The following TMPRSS9 variants were observed in gnomAD, a reference collection of about 807,000 sequenced individuals.
The protein encoded by TMPRSS9 is transmembrane protease serine 9.
Under a neutral mutation model 111.4 loss-of-function variants are expected in TMPRSS9, and 113 were observed. The ratio of observed to expected loss-of-function variants is 1.01; its 90% CI spans 0.87 to 1.19. The LOEUF is 1.19. Among genes scored for constraint, TMPRSS9 ranks in the 50% most tolerant of loss-of-function variants. TMPRSS9 has a pLI of 0.00. For missense variants in TMPRSS9, 1,803 were observed against 1,513.1 expected (o/e 1.19, Z -3.18); for synonymous variants, 805 against 659.1 (o/e 1.22, Z -3.39).
intron 1 of TMPRSS9, among the ~76,000 whole-genome samples, chr19:2,381,440 G>A (rs1037791955): frequency 6.6e-6 from 1 of 151,762 alleles, no homozygotes; most frequent in Non-Finnish European, 1.5e-5. Context: ...AGTGAATCTC[G>A]GTGTCTTTTG....
chr19:2,401,012 C>G (rs62120708), intron 4 of TMPRSS9, among the ~76,000 whole-genome samples: 1 of 149,034 alleles, frequency 6.7e-6, no homozygotes, highest in East Asian at 2.0e-4. Flanking sequence ...CGGTGGCTTA[C>G]GCCTGTAATC....
intron 17 of TMPRSS9, chr19:2,425,710 C>T: frequency 2.6e-6 from 3 of 1,174,164 alleles, no homozygotes; most frequent in South Asian, 1.8e-5. Context: ...GGCGGCAGAG[C>T]AGGCAGAGGC....
chr19:2,391,724 T>A (rs9676624), intron 1 of TMPRSS9, among the ~76,000 whole-genome samples: 3 of 145,922 alleles, frequency 2.1e-5, no homozygotes, highest in South Asian at 2.1e-4. Context: ...AGGACCCCCC[T>A]GAAAGGAAAG....
At position 2,403,072 on chromosome 19, in the gene TMPRSS9, C is replaced by T; in HGVS notation, c.557-10C>T. On this transcript the variant is annotated splice_polypyrimidine_tract_variant and intron_variant, in intron 5 of 17. Coordinates refer to ENST00000648592, the Ensembl canonical transcript of TMPRSS9. ...ATGAGGTCAGAAAGTCGGTTCTTTT[C>T]TGTCCTCAGGCCGCTGTCCAGGGAA... is the stretch of plus-strand genomic sequence containing the variant. 1 of 1,600,808 alleles carries T rather than the reference C, an allele frequency of 6.2e-7. No individual in the cohort carries two copies. Among genetic ancestry groups the T allele is most frequent in the Non-Finnish European group, 8.5e-7 (1 of 1,174,716 alleles).
intron 4 of TMPRSS9, among the ~76,000 whole-genome samples, 178 bp from the exon 6 acceptor site, chr19:2,401,797 A>G (rs997267575): frequency 5.3e-5 from 8 of 151,346 alleles, no homozygotes; most frequent in African/African-American, 1.2e-4. Context: ...TAGTAGAGAC[A>G]GGGTTTCACC....
chr19:2,383,046 A>G (rs1166660084), intron 1 of TMPRSS9, among the ~76,000 whole-genome samples: 2 of 152,112 alleles, frequency 1.3e-5, no homozygotes, highest in Non-Finnish European at 1.5e-5. Flanking sequence ...GCTTTATTTA[A>G]TATCTACCGA....
chr19:2,393,960 T>A (rs1490374000), intron 1 of TMPRSS9, among the ~76,000 whole-genome samples: 2 of 148,446 alleles, frequency 1.3e-5, no homozygotes, highest in Non-Finnish European at 3.0e-5. Context: ...CCCAGCACTC[T>A]GGGAGGCCGG....
chr19:2,406,310 G>C (rs189573874), intron 7 of TMPRSS9, among the ~76,000 whole-genome samples: 1 of 147,146 alleles, frequency 6.8e-6, no homozygotes. Flanking sequence ...GAGCCACTGC[G>C]CCCGGCCTCT....
chr19:2,398,297 AAAT>A (rs1190388381), intron 2 of TMPRSS9, among the ~76,000 whole-genome samples: 4 of 145,450 alleles, frequency 2.8e-5, no homozygotes, highest in Admixed American at 1.4e-4. Flanking sequence ...CTCTGTCTCA[AAAT>A]AATAATAATA....
chr19:2,364,664 T>C (rs1396938359), intron 1 of TMPRSS9, among the ~76,000 whole-genome samples: 2 of 152,012 alleles, frequency 1.3e-5, no homozygotes, highest in Non-Finnish European at 2.9e-5. Context: ...AGTGTCCCCT[T>C]GCGTTGACAC....
upstream of TMPRSS9, among the ~76,000 whole-genome samples, chr19:2,385,281 T>C (rs988290809): frequency 1.3e-5 from 2 of 151,352 alleles, no homozygotes; most frequent in African/African-American, 4.9e-5. Flanking sequence ...CCCGGTGGAG[T>C]CTGCCTGCCC....
At chr19:2,370,077 G>T (rs778609636) in intron 1 of TMPRSS9, among the ~76,000 whole-genome samples, 1 of 152,028 alleles carries the variant, frequency 6.6e-6, no homozygotes, top group Admixed American at 6.6e-5. Flanking sequence ...GCATGATGGC[G>T]GGCACCAGTG....
At chr19:2,390,997 T>C (rs1970576517) in intron 1 of TMPRSS9, among the ~76,000 whole-genome samples, 1 of 144,546 alleles carries the variant, frequency 6.9e-6, no homozygotes, top group South Asian at 2.2e-4. Context: ...TGAAACCCCA[T>C]CTCTACTAAA....
chr19:2,414,251 T>A (rs1483206668), intron 10 of TMPRSS9: 3 of 463,056 alleles, frequency 6.5e-6, no homozygotes, highest in Non-Finnish European at 1.1e-5. Flanking sequence ...TACTTTTTTT[T>A]TTTTTTGAGA....
chr19:2,373,022 G>A (rs1970302251), intron 1 of TMPRSS9, among the ~76,000 whole-genome samples: 1 of 151,856 alleles, frequency 6.6e-6, no homozygotes, highest in Non-Finnish European at 1.5e-5. Context: ...TTGTGGAGAT[G>A]GGGGTCTCGC....
At chr19:2,392,885 C>G (rs1185236384) in intron 1 of TMPRSS9, among the ~76,000 whole-genome samples, 1 of 151,502 alleles carries the variant, frequency 6.6e-6, no homozygotes, top group Non-Finnish European at 1.5e-5. Flanking sequence ...TGCAAATGCA[C>G]CAATCGCACC....
At chr19:2,367,561 A>AT (rs35468320) in intron 1 of TMPRSS9, among the ~76,000 whole-genome samples, 1,678 of 129,568 alleles carry the variant, frequency 0.013, 24 homozygotes, top group African/African-American at 0.033. Context: ...TGACTGGCTA[A>AT]TTTTTTTTTT....
rs762045468 is a variant in TMPRSS9 at position 2,414,027 on chromosome 19, G to A, written c.1573+9G>A. On this transcript the variant is annotated intron_variant, in intron 10 of 17. Transcript: ENST00000648592. ...CGTTCCTAAGCTACAAGGTATTTTC[G>A]GGGCAGAAAGGTAGAAGATGATGTA... 10 of 1,549,224 alleles carry A rather than the reference G, an allele frequency of 6.5e-6. No homozygotes were observed. The highest frequency in any genetic ancestry group is 1.4e-5 in the African/African-American group (1 of 73,062).
intron 1 of TMPRSS9, among the ~76,000 whole-genome samples, chr19:2,363,342 C>T (rs189808793): frequency 2.6e-5 from 4 of 152,106 alleles, no homozygotes; most frequent in Admixed American, 6.6e-5. Flanking sequence ...CTTGCAGGAA[C>T]GCTGGAGCAT....
Sources: allele counts gnomAD v4.1 joint callset (sites outside exome capture counted in the v4.1 genomes callset), GRCh38; gene constraint gnomAD v4.1.1; transcripts MANE v1.5; gene names NCBI Gene and HGNC (gene_info 2026-07-23, HGNC 2026-07-21).